The following SBNO1 variants were observed in gnomAD, a reference collection of about 807,000 sequenced individuals.
SBNO1 encodes the protein protein strawberry notch homolog 1.
A neutral mutation model predicts 173.6 loss-of-function variants in SBNO1; 23 were observed. The ratio of observed to expected loss-of-function variants is 0.13; its 90% confidence interval spans 0.10 to 0.19. SBNO1 has a LOEUF of 0.19. SBNO1 is among the 10% of genes least tolerant of loss of function. The pLI is 1.00. For synonymous variants in SBNO1, 632 were observed against 571.5 expected (o/e 1.11, Z -1.51); for missense variants, 1,238 against 1,671.2 (o/e 0.74, Z 4.52).
At position 123,291,944 on chromosome 12, in the gene SBNO1, A is replaced by C. The variant is rs965921385; in HGVS notation, c.*3964T>G. 1 of 151,556 alleles carries C rather than the reference A, an allele frequency of 6.6e-6. No homozygotes were observed. The highest frequency in any genetic ancestry group is 1.5e-5 in the Non-Finnish European group (1 of 67,926). 9.4% of individuals were successfully genotyped at this position (151,556 alleles called of 1,614,324 possible). On this transcript the variant is annotated 3_prime_UTR_variant, in exon 32 of 32. Coordinates refer to ENST00000602398, the MANE Select transcript of SBNO1 (RefSeq NM_001167856.3). ...CAAAAAAAAAATGCTAGCGAGCTTG[A>C]GTTGCAGGTATTTAGGTGTGTTTCT...
chr12:123,312,740 C>T (rs1186256023), intron 24 of SBNO1, among the ~76,000 whole-genome samples: 2 of 150,474 alleles, frequency 1.3e-5, no homozygotes, highest in Non-Finnish European at 3.0e-5. Context: ...TTTCCAAATA[C>T]ACGAAAGAAA....
intron 1 of SBNO1, chr12:123,364,378 G>A (rs887492238): frequency 1.0e-6 from 1 of 985,188 alleles, no homozygotes; most frequent in African/African-American, 1.7e-5. Context: ...GGCGTGCACA[G>A]ACCCTGCCCC....
chr12:123,348,770 A>T (rs1266779019), intron 2 of SBNO1, among the ~76,000 whole-genome samples: 1 of 151,798 alleles, frequency 6.6e-6, no homozygotes, highest in African/African-American at 2.4e-5. Flanking sequence ...GGTCTCAAAA[A>T]AAACAAATAA....
intron 24 of SBNO1, among the ~76,000 whole-genome samples, chr12:123,311,941 T>C (rs1421522462): frequency 1.3e-5 from 2 of 150,880 alleles, no homozygotes; most frequent in Non-Finnish European, 3.0e-5. Flanking sequence ...GGTTTCTCCA[T>C]GTTGCCCAGG....
chr12:123,325,678 CTAAACAAAGAT>C, intron 14 of SBNO1, 79 bp from the exon 15 acceptor site: 1 of 931,806 alleles, frequency 1.1e-6, no homozygotes, highest in Non-Finnish European at 1.7e-6. Context: ...AAACATTTAG[CTAAACAAAGAT>C]TTCAAACAAG....
chr12:123,344,886 C>G (rs1469413067), intron 4 of SBNO1, among the ~76,000 whole-genome samples: 1 of 152,062 alleles, frequency 6.6e-6, no homozygotes, highest in Non-Finnish European at 1.5e-5. Flanking sequence ...GTGGGCTCTA[C>G]TGAGAATCAG....
intron 29 of SBNO1, 131 bp downstream of exon 29, chr12:123,304,451 G>A: frequency 1.5e-6 from 1 of 648,172 alleles, no homozygotes; most frequent in Non-Finnish European, 2.7e-6. Context: ...GGTCAGGCTG[G>A]TCTCGAACTC....
intron 5 of SBNO1, among the ~76,000 whole-genome samples, chr12:123,340,362 C>T (rs954547099): frequency 1.1e-4 from 17 of 152,004 alleles, no homozygotes; most frequent in African/African-American, 4.1e-4. Flanking sequence ...GGGCAGATTA[C>T]CTGAGGTCAG....
In SBNO1 at chr12:123,364,756, G is replaced by T; in HGVS notation, c.-56C>A. The T allele has an allele frequency of 1.0e-6, 1 of 987,968 alleles. No individual in the cohort carries two copies. The highest frequency in any genetic ancestry group is 4.5e-5 in the South Asian group (1 of 22,044). 61.2% of individuals were successfully genotyped at this position (987,968 alleles called of 1,614,324 possible). A position where few individuals can be genotyped will look rare whatever the true frequency, so the allele number is the denominator to read the frequency against. ...TCCTCCCGGGAGGTGTGAGTTTGAA[G>T]GACCAGAGGCGACTGGAGCGGAGGC... is the stretch of plus-strand genomic sequence containing the variant. On this transcript the variant is annotated 5_prime_UTR_variant, in exon 1 of 32. Transcript: ENST00000602398.
At chr12:123,297,329 CAAAAAAAA>C (rs11427958) in intron 31 of SBNO1, among the ~76,000 whole-genome samples, 10 of 32,040 alleles carry the variant, frequency 3.1e-4, no homozygotes, top group African/African-American at 9.4e-4. Flanking sequence ...GACTCAGTCT[CAAAAAAAA>C]AAAAAAAAAA....
At chr12:123,323,175 G>C in intron 16 of SBNO1, among the ~76,000 whole-genome samples, 1 of 152,192 alleles carries the variant, frequency 6.6e-6, no homozygotes, top group Non-Finnish European at 1.5e-5. Context: ...CCAACCACCA[G>C]TGAATTGCTC....
At chr12:123,319,821 G>A in intron 20 of SBNO1, 79 bp downstream of exon 20, 1 of 1,285,504 alleles carries the variant, frequency 7.8e-7, no homozygotes, top group Admixed American at 2.0e-5. Context: ...TATATTAAAA[G>A]GAAAAAGACT....
Position 123,292,763 on chromosome 12 carries a change from A to G in SBNO1, c.*3145T>C, listed in dbSNP as rs1394011507. On this transcript the variant is annotated 3_prime_UTR_variant, in exon 32 of 32. Transcript: ENST00000602398. The stretch of plus-strand genomic sequence containing the variant: ...TGGATGCAGGTTCTTACTAATTTAT[A>G]TACACATGTAAAGAGAAGATACTGA... 3 of 152,248 alleles carry G rather than the reference A, an allele frequency of 2.0e-5. No homozygotes were observed. The highest frequency in any genetic ancestry group is 4.8e-5 in the African/African-American group (2 of 41,472). 9.4% of individuals were successfully genotyped at this position (152,248 alleles called of 1,614,324 possible).
rs1179478457 is a variant in SBNO1 at position 123,321,710 on chromosome 12, G to A, written c.2148C>T (p.Ala716=). ...KRKGEEITRE[A]KKARKVGGLT... ...GGCCACCTACTTTTCGTGCTTTTTT[G>A]GCTTCTCGAGTTATTTCTTCACCTA... is the stretch of plus-strand genomic sequence containing the variant. The change falls in exon 17 of 32, where the codon GCC becomes GCT. Residue 716 remains alanine, a synonymous_variant. Transcript: ENST00000602398. 3.1e-6 allele frequency: 5 copies of A among 1,613,888 alleles called. No individual in the cohort carries two copies. The highest frequency in any genetic ancestry group is 4.2e-6 in the Non-Finnish European group (5 of 1,179,960).
chr12:123,346,950 C>A (rs188136190), intron 3 of SBNO1, among the ~76,000 whole-genome samples: 1 of 149,050 alleles, frequency 6.7e-6, no homozygotes, highest in South Asian at 2.2e-4. Flanking sequence ...TGGTGGTGGG[C>A]GCCTATAGTC....
intron 2 of SBNO1, among the ~76,000 whole-genome samples, chr12:123,350,018 G>T (rs1424768915): frequency 3.3e-5 from 5 of 152,158 alleles, no homozygotes; most frequent in African/African-American, 1.2e-4. Flanking sequence ...ACTCTGGGAG[G>T]CCGAGGTTGG....
Position 123,331,357 on chromosome 12 carries a change from G to C in SBNO1, c.928C>G (p.Pro310Ala). The change falls in exon 8 of 32, where the codon CCT becomes GCT. Residue 310 changes from proline (P) to alanine (A), a missense_variant. Physicochemically the swap from Pro to Ala is conservative, Grantham distance 27 (BLOSUM62 -1). Transcript: ENST00000602398. ...YAAQQHETFL[P>A]NGDRAGFLIG... is the part of the protein sequence containing the mutation. The stretch of plus-strand genomic sequence containing the variant: ...AAGAAGCCAGCACGATCTCCATTAG[G>C]TAGGAAAGTTTCATGTTGCTGAAAA... The C allele has an allele frequency of 6.2e-7, 1 of 1,613,660 alleles. No homozygotes were observed. The highest frequency in any genetic ancestry group is 8.5e-7 in the Non-Finnish European group (1 of 1,179,802).
At chr12:123,306,527 G>T (rs375684852) in intron 28 of SBNO1, among the ~76,000 whole-genome samples, 1 of 152,160 alleles carries the variant, frequency 6.6e-6, no homozygotes, top group East Asian at 1.9e-4. Flanking sequence ...ATCTACCAAC[G>T]GTGATATTCT....
intron 2 of SBNO1, among the ~76,000 whole-genome samples, chr12:123,349,409 T>C (rs1873618271): frequency 6.6e-6 from 1 of 152,056 alleles, no homozygotes; most frequent in African/African-American, 2.4e-5. Flanking sequence ...GCCAGAATCT[T>C]ACGTTTTTGC....
Sources: gnomAD v4.1 joint callset for allele counts (sites outside exome capture counted in the v4.1 genomes callset) on GRCh38, gnomAD v4.1.1 for gene constraint, MANE v1.5 for transcripts, NCBI Gene and HGNC (gene_info 2026-07-23, HGNC 2026-07-21) for gene names.